CGNL1: variants seen among roughly 807,000 people sequenced by gnomAD.
CGNL1 encodes the protein cingulin-like protein 1.
A neutral mutation model predicts 141.2 loss-of-function variants in CGNL1; 132 were observed. The ratio of observed to expected loss-of-function variants is 0.93; its 90% CI spans 0.81 to 1.08. The LOEUF (loss-of-function observed/expected upper bound fraction) is 1.08, where lower values mean the gene tolerates loss of function less well. CGNL1 is among the 50% of genes least tolerant of loss of function. CGNL1 has a pLI of 0.00. For missense variants in CGNL1, 1,870 were observed against 1,588.6 expected, an observed-to-expected ratio of 1.18 and a Z score of -3.01; for synonymous variants, 690 against 622.1, an observed-to-expected ratio of 1.11 and a Z score of -1.63.
In CGNL1 at chr15:57,524,645, A is replaced by G. The variant is rs1449237072; in HGVS notation, c.2933A>G (p.Tyr978Cys). 25 of 1,614,046 alleles carry G rather than the reference A, an allele frequency of 1.5e-5. No individual in the cohort carries two copies. The highest frequency in any genetic ancestry group is 2.1e-5 in the Non-Finnish European group (25 of 1,179,994). Reference sequence around the variant, plus strand: ...GAGCTCCAGAACCAGCTGGATGAGTATAAGGAGAAAAACCGCAGGGAGCTC... The same window carrying G: ...GAGCTCCAGAACCAGCTGGATGAGTGTAAGGAGAAAAACCGCAGGGAGCTC... ...TLELQNQLDE[Y>C]KEKNRRELAE... is the part of the protein sequence containing the mutation. The change falls in exon 12 of 19, where the codon TAT becomes TGT. Residue 978 changes from tyrosine (Y) to cysteine (C), a missense_variant. Tyr to Cys is a radical substitution (Grantham distance 194, BLOSUM62 -2). Transcript: ENST00000281282.
chr15:57,497,510 A>C (rs770004134), intron 8 of CGNL1, among the ~76,000 whole-genome samples: 3 of 152,214 alleles, frequency 2.0e-5, no homozygotes, highest in Admixed American at 6.5e-5. Context: ...TGATCCTGCA[A>C]AGTAAAAGTC....
chr15:57,546,810 A>C (rs1375545220), intron 18 of CGNL1, among the ~76,000 whole-genome samples: 1 of 152,020 alleles, frequency 6.6e-6, no homozygotes, highest in African/African-American at 2.4e-5. Flanking sequence ...TAATCCATAG[A>C]GCTGAGCCTT....
In CGNL1 at chr15:57,549,589, T is replaced by C. The variant is rs2140273435; in HGVS notation, c.*2099T>C. ...GTGGGGTGTGGCCGATTCCTCCCTT[T>C]AGTCATTCATTCATTTAGCACATAT... is the stretch of plus-strand genomic sequence containing the variant. On this transcript the variant is annotated 3_prime_UTR_variant, in exon 19 of 19. Transcript: ENST00000281282. 6.6e-6 allele frequency: 1 copy of C among 152,350 alleles called. No individual in the cohort carries two copies. Among genetic ancestry groups the C allele is most frequent in the South Asian group, 2.1e-4 (1 of 4,820 alleles). The allele number at this position is 152,350 out of a possible 1,614,324, so 9.4% of individuals were successfully genotyped here. A position where few individuals can be genotyped will look rare whatever the true frequency, so the allele number is the denominator to read the frequency against.
At chr15:57,483,737 A>T (rs1409071301) in intron 8 of CGNL1, among the ~76,000 whole-genome samples, 2 of 152,108 alleles carry the variant, frequency 1.3e-5, no homozygotes, top group Non-Finnish European at 2.9e-5. Flanking sequence ...ATATAATGTT[A>T]ATTATAGATC....
At chr15:57,483,404 G>T (rs944966128) in intron 8 of CGNL1, among the ~76,000 whole-genome samples, 13 of 147,150 alleles carry the variant, frequency 8.8e-5, no homozygotes, top group African/African-American at 3.2e-4. Flanking sequence ...TTTTATTTAT[G>T]TTTATTTTAT....
intron 14 of CGNL1, among the ~76,000 whole-genome samples, chr15:57,535,035 C>G (rs758196479): frequency 1.3e-5 from 2 of 152,206 alleles, no homozygotes; most frequent in Non-Finnish European, 2.9e-5. Context: ...TGGCCAACCC[C>G]TCTCATAGAC....
chr15:57,547,744 C>A lies in CGNL1; in HGVS notation c.*254C>A, dbSNP rs991876497. ...ACCCACTGGGGTGTTGTGAGAGATA[C>A]ACTTTGGTAGGCTGAGGCCCCTGTT... On this transcript the variant is annotated 3_prime_UTR_variant, in exon 19 of 19. Transcript: ENST00000281282. The A allele has an allele frequency of 2.2e-6, 1 of 453,816 alleles. No homozygotes were observed. Among genetic ancestry groups the A allele is most frequent in the Admixed American group, 4.0e-5 (1 of 24,912 alleles). The allele number at this position is 453,816 out of a possible 1,614,324, so 28.1% of individuals were successfully genotyped here. A position where few individuals can be genotyped will look rare whatever the true frequency, so the allele number is the denominator to read the frequency against.
At chr15:57,398,270 A>G (rs1418944294) in intron 1 of CGNL1, 1 of 152,156 alleles carries the variant, frequency 6.6e-6, no homozygotes, top group African/African-American at 2.4e-5. Context: ...TTTTATTTAC[A>G]TATATGTATG....
chr15:57,496,516 A>G (rs185187898), intron 8 of CGNL1, among the ~76,000 whole-genome samples: 1 of 152,196 alleles, frequency 6.6e-6, no homozygotes, highest in East Asian at 1.9e-4. Flanking sequence ...CCCTCCCCTC[A>G]ACCTCCGCCG....
At chr15:57,435,423 T>G (rs1400938892) in intron 1 of CGNL1, among the ~76,000 whole-genome samples, 2 of 151,430 alleles carry the variant, frequency 1.3e-5, no homozygotes, top group South Asian at 2.1e-4. Flanking sequence ...TTGTTTTTTT[T>G]TTTTTCCTCC....
chr15:57,451,432 AG>A (rs1327885042), intron 4 of CGNL1, 67 bp from the exon 5 acceptor site: 3 of 1,096,882 alleles, frequency 2.7e-6, no homozygotes, highest in East Asian at 2.4e-5. Context: ...TTATATTTGG[AG>A]GGGGAAGATA....
At position 57,463,890 on chromosome 15, in the gene CGNL1, G is replaced by A. The variant is rs751019085; in HGVS notation, c.2403+1998G>A. Among the ~76,000 whole-genome samples the A allele has an allele frequency of 4.6e-5, 7 of 152,184 alleles. No individual in the cohort carries two copies. The South Asian group carries it at 1.2e-3, about 27-fold the overall frequency. On this transcript the variant is annotated intron_variant, in intron 8 of 18. Transcript: ENST00000281282. ...CAAATGTCCTCTCTTTTATGAACAT[G>A]CCCTAGATACCTATACTCCCTTTGG...
At chr15:57,472,565 A>T (rs533392725) in intron 8 of CGNL1, among the ~76,000 whole-genome samples, 1 of 152,264 alleles carries the variant, frequency 6.6e-6, no homozygotes, top group East Asian at 1.9e-4. Flanking sequence ...GTTCATGCTG[A>T]CACTTAGGAT....
intron 1 of CGNL1, among the ~76,000 whole-genome samples, chr15:57,384,531 C>G (rs2062461061): frequency 2.0e-5 from 3 of 152,194 alleles, no homozygotes. Flanking sequence ...GGCCTGGATG[C>G]TGCACCTGCT....
chr15:57,550,008 C>T lies in CGNL1; in HGVS notation c.*2518C>T, dbSNP rs994087134. The stretch of plus-strand genomic sequence containing the variant: ...TTGGTTTGTGAGAAAGTAGCTGCCC[C>T]TCATTCTGGCCAGTTCTTTCCAGTA... On this transcript the variant is annotated 3_prime_UTR_variant, in exon 19 of 19. Coordinates refer to ENST00000281282, the MANE Select transcript of CGNL1 (RefSeq NM_032866.5). The T allele has an allele frequency of 1.1e-4, 17 of 152,232 alleles. No individual in the cohort carries two copies. The highest frequency in any genetic ancestry group is 1.1e-3 in the Admixed American group (17 of 15,286). 9.4% of individuals were successfully genotyped at this position (152,232 alleles called of 1,614,324 possible).
intron 8 of CGNL1, 22 bp downstream of exon 8, chr15:57,461,914 T>A (rs1406434669): frequency 1.3e-6 from 2 of 1,598,410 alleles, no homozygotes; most frequent in Non-Finnish European, 1.7e-6. Context: ...GGCAGGAGAA[T>A]CTGGCTTGTG....
At chr15:57,538,385 C>T (rs2032378458) in intron 14 of CGNL1, among the ~76,000 whole-genome samples, 2 of 152,362 alleles carry the variant, frequency 1.3e-5, no homozygotes, top group Middle Eastern at 3.4e-3. Flanking sequence ...TTTATTCCTT[C>T]CTGTTCTTCA....
At chr15:57,535,589 C>A (rs1454121733) in intron 14 of CGNL1, among the ~76,000 whole-genome samples, 10 of 152,074 alleles carry the variant, frequency 6.6e-5, no homozygotes, top group Non-Finnish European at 1.5e-4. Flanking sequence ...TTTTGAGGAG[C>A]AATGAATGGA....
chr15:57,404,399 A>G (rs1443374187), intron 1 of CGNL1, among the ~76,000 whole-genome samples: 1 of 152,242 alleles, frequency 6.6e-6, no homozygotes, highest in Non-Finnish European at 1.5e-5. Context: ...TGAAGAATGC[A>G]GTTCTAATAA....
Sources: allele counts gnomAD v4.1 joint callset (sites outside exome capture counted in the v4.1 genomes callset), GRCh38; gene constraint gnomAD v4.1.1; transcripts MANE v1.5; gene names NCBI Gene and HGNC (gene_info 2026-07-23, HGNC 2026-07-21).